The following LZTS1 variants were observed in gnomAD, a reference collection of about 807,000 sequenced individuals.
LZTS1 encodes leucine zipper tumor suppressor 1.
Under a neutral mutation model 45.8 loss-of-function variants are expected in LZTS1, and 31 were observed. That is an observed-to-expected ratio of 0.68 (90% confidence interval 0.51 to 0.91). The LOEUF is 0.91. Ranked by LOEUF, LZTS1 falls within the 40% of genes least tolerant of loss-of-function variation. The pLI is 0.00. For synonymous variants in LZTS1, 359 were observed against 357.3 expected (o/e 1.00, Z -0.05); for missense variants, 821 against 788.9 (o/e 1.04, Z -0.49).
At chr8:20,298,062 GT>G (rs1162685089) in intron 1 of LZTS1, among the ~76,000 whole-genome samples, 1 of 151,234 alleles carries the variant, frequency 6.6e-6, no homozygotes, top group East Asian at 1.9e-4. Context: ...CTTTTTTTTT[GT>G]TTTTTATTTA....
chr8:20,249,103 C>T lies in LZTS1; in HGVS notation c.*619G>A, dbSNP rs1032590383. On this transcript the variant is annotated 3_prime_UTR_variant, in exon 4 of 4. Coordinates refer to ENST00000381569, the MANE Select transcript of LZTS1 (RefSeq NM_021020.5). ...ACCCTTGGATTCTCCCTCTGCCCTCCTCTGGCTGTGGCAGGGTCTCCACAC... is the reference window on the plus strand; with the variant it reads ...ACCCTTGGATTCTCCCTCTGCCCTCTTCTGGCTGTGGCAGGGTCTCCACAC... 1 of 153,412 alleles carries T rather than the reference C, an allele frequency of 6.5e-6. No homozygotes were observed. The highest frequency in any genetic ancestry group is 2.4e-5 in the African/African-American group (1 of 41,604). 9.5% of individuals were successfully genotyped at this position (153,412 alleles called of 1,614,324 possible). A position where few individuals can be genotyped will look rare whatever the true frequency, so the allele number is the denominator to read the frequency against.
Position 20,279,905 on chromosome 8 carries a change from T to G in LZTS1, c.-135+23835A>C, listed in dbSNP as rs148506639. 2.3e-3 allele frequency among the ~76,000 whole-genome samples: 344 copies of G among 150,546 alleles called. 1 individual carries two copies. The highest frequency in any genetic ancestry group is 8.0e-3 in the African/African-American group (326 of 40,702). On this transcript the variant is annotated intron_variant, in intron 1 of 3. Coordinates refer to ENST00000381569, the MANE Select transcript of LZTS1 (RefSeq NM_021020.5). ...AGGAGGCTGAGGTGGGAGGATCACC[T>G]GAGCCCAGGAGGTTGAGGCTGCAGT... is the stretch of plus-strand genomic sequence containing the variant.
chr8:20,254,958 C>T lies in LZTS1; in HGVS notation c.224G>A (p.Arg75Gln), dbSNP rs200216430. Residue 75 changes from arginine (R) to glutamine (Q), a missense_variant, in exon 2 of 4, where the codon CGG (arginine) becomes CAG (glutamine). Physicochemically the swap from Arg to Gln is conservative, Grantham distance 43. Coordinates refer to ENST00000381569, the MANE Select transcript of LZTS1 (RefSeq NM_021020.5). The part of the protein sequence containing the change: ...FFYIKVSQKA[R>Q]GSHHPDYTAL... ...CGTGTAATCTGGGTGATGGGAGCCC[C>T]GGGCTTTCTGGCTGACCTTGATGTA... 1.8e-5 allele frequency: 29 copies of T among 1,614,212 alleles called. No homozygotes were observed. Among genetic ancestry groups the T allele is most frequent in the African/African-American group, 1.6e-4 (12 of 75,048 alleles).
rs1799988175 is a variant in LZTS1, at chr8:20,253,163, G to A, written c.768C>T (p.Ile256=). ...DKGPSCVRSP[I]STDECSIQEL... is the part of the protein sequence containing the mutation. ...CCTGGATGCTGCACTCGTCCGTGGAGATGGGGGAGCGGACACACGAGGGGC... is the reference window on the plus strand; with the variant it reads ...CCTGGATGCTGCACTCGTCCGTGGAAATGGGGGAGCGGACACACGAGGGGC... The change falls in exon 3 of 4, where the codon ATC becomes ATT. Residue 256 remains isoleucine (I), a synonymous_variant. Transcript: ENST00000381569. The A allele has an allele frequency of 1.2e-6, 2 of 1,613,424 alleles. No individual in the cohort carries two copies.
At chr8:20,268,106 G>C (rs988587167) in intron 1 of LZTS1, among the ~76,000 whole-genome samples, 1 of 152,134 alleles carries the variant, frequency 6.6e-6, no homozygotes, top group Non-Finnish European at 1.5e-5. Context: ...GCTAGAATTA[G>C]ATCCTCGCAT....
intron 1 of LZTS1, among the ~76,000 whole-genome samples, chr8:20,302,159 C>G (rs574101302): frequency 1.6e-4 from 25 of 152,212 alleles, no homozygotes; most frequent in Admixed American, 1.6e-3. Context: ...AGAGAGCCCA[C>G]CGCACCAACC....
chr8:20,291,313 C>T (rs1800897767), intron 1 of LZTS1, among the ~76,000 whole-genome samples: 1 of 152,132 alleles, frequency 6.6e-6, no homozygotes. Flanking sequence ...AGTTGTCCCT[C>T]CCTGACCCCC....
intron 3 of LZTS1, 138 bp from the exon 4 acceptor site, chr8:20,250,501 C>G: frequency 1.3e-6 from 1 of 776,930 alleles, no homozygotes; most frequent in Non-Finnish European, 2.0e-6. Flanking sequence ...TTTGTCCAAT[C>G]TGAAAGTAAG....
chr8:20,295,115 G>T (rs1800959397), intron 1 of LZTS1, among the ~76,000 whole-genome samples: 1 of 152,258 alleles, frequency 6.6e-6, no homozygotes, highest in Non-Finnish European at 1.5e-5. Flanking sequence ...GGAGCCTCCT[G>T]TCAAGGTCAG....
At position 20,250,040 on chromosome 8, in the gene LZTS1, G is replaced by A; in HGVS notation, c.1473C>T (p.Pro491=). The change falls in exon 4 of 4, where the codon CCC becomes CCT. Residue 491 remains proline, a synonymous_variant. Transcript: ENST00000381569. ...GGGCAGGGACGTCCTCGGGGAAGGT[G>A]GGCGGCCCCATGTCGCGGGCCAGGG... ...QAALARDMGP[P]TFPEDVPALQ... The A allele has an allele frequency of 6.2e-7, 1 of 1,609,810 alleles. No homozygotes were observed. Among genetic ancestry groups the A allele is most frequent in the South Asian group, 1.1e-5 (1 of 90,976 alleles).
intron 3 of LZTS1, among the ~76,000 whole-genome samples, chr8:20,250,696 C>T (rs950564373): frequency 2.0e-5 from 3 of 152,192 alleles, no homozygotes; most frequent in East Asian, 1.9e-4. Context: ...CCTCCGCCTC[C>T]CCTCTGATTC....
chr8:20,300,495 G>A (rs771769625), intron 1 of LZTS1, among the ~76,000 whole-genome samples: 4 of 152,008 alleles, frequency 2.6e-5, no homozygotes, highest in Non-Finnish European at 5.9e-5. Flanking sequence ...ACGACGCCCG[G>A]CTAATTTTTT....
chr8:20,254,797 G>A (rs763880194), intron 2 of LZTS1, 40 bp downstream of exon 2: 10 of 1,531,410 alleles, frequency 6.5e-6, no homozygotes, highest in South Asian at 2.5e-5. Context: ...TTTCTCCTGC[G>A]TTTCCAACCC....
At chr8:20,278,711 C>G (rs537744798) in intron 1 of LZTS1, among the ~76,000 whole-genome samples, 1 of 152,304 alleles carries the variant, frequency 6.6e-6, no homozygotes, top group African/African-American at 2.4e-5. Flanking sequence ...GAGCTCAATA[C>G]ATATTCATCA....
chr8:20,288,325 T>G (rs1179406002), intron 1 of LZTS1, among the ~76,000 whole-genome samples: 2 of 152,124 alleles, frequency 1.3e-5, no homozygotes, highest in Non-Finnish European at 2.9e-5. Context: ...TGGCCACTGC[T>G]CAGGAGAAGC....
intron 1 of LZTS1, among the ~76,000 whole-genome samples, chr8:20,281,158 A>G (rs1800684472): frequency 6.6e-6 from 1 of 152,202 alleles, no homozygotes; most frequent in Non-Finnish European, 1.5e-5. Context: ...GGGAGAGGAT[A>G]TCATTTGGAT....
At chr8:20,282,156 G>A (rs1800705237) in intron 1 of LZTS1, among the ~76,000 whole-genome samples, 1 of 152,186 alleles carries the variant, frequency 6.6e-6, no homozygotes, top group African/African-American at 2.4e-5. Flanking sequence ...TGACAGCCAT[G>A]GGGTTCTTGG....
intron 1 of LZTS1, among the ~76,000 whole-genome samples, chr8:20,263,631 G>T (rs555620044): frequency 5.3e-5 from 8 of 152,254 alleles, no homozygotes; most frequent in African/African-American, 1.9e-4. Context: ...CAAATGCCTT[G>T]CATCCTCTCA....
chr8:20,282,887 T>C (rs1030422696), intron 1 of LZTS1, among the ~76,000 whole-genome samples: 2 of 152,230 alleles, frequency 1.3e-5, no homozygotes, highest in Non-Finnish European at 1.5e-5. Flanking sequence ...TGTCTGATGA[T>C]GTCTAGCATA....
Sources: gnomAD v4.1 joint callset for allele counts (sites outside exome capture counted in the v4.1 genomes callset) on GRCh38, gnomAD v4.1.1 for gene constraint, MANE v1.5 for transcripts, NCBI Gene and HGNC (gene_info 2026-07-23, HGNC 2026-07-21) for gene names.